Variants in EFCAB11 observed in about 807,000 individuals in gnomAD.
EFCAB11 encodes the protein EF-hand calcium-binding domain-containing protein 11.
Under a neutral mutation model 23.0 loss-of-function variants are expected in EFCAB11, and 14 were observed. The observed-to-expected ratio is 0.61, with a 90% CI of 0.40 to 0.95. The LOEUF (loss-of-function observed/expected upper bound fraction) is 0.95, where lower values mean the gene tolerates loss of function less well. EFCAB11 is among the 40% of genes least tolerant of loss of function. The pLI is 0.00. For synonymous variants in EFCAB11, 65 were observed against 66.6 expected (o/e 0.98, Z 0.11); for missense variants, 198 against 195.8 (o/e 1.01, Z -0.07).
chr14:89,836,292 A>G, intron 5 of EFCAB11: 1 of 245,608 alleles, frequency 4.1e-6, no homozygotes. Context: ...GAGTCCTTCC[A>G]TGGAGCAAGG....
intron 3 of EFCAB11, among the ~76,000 whole-genome samples, chr14:89,941,265 T>G (rs1231202338): frequency 6.6e-6 from 1 of 152,186 alleles, no homozygotes; most frequent in Non-Finnish European, 1.5e-5. Flanking sequence ...AGAACCAAAT[T>G]TGAAATTAAT....
At chr14:89,883,198 A>T (rs1419257199) in intron 5 of EFCAB11, among the ~76,000 whole-genome samples, 1 of 152,240 alleles carries the variant, frequency 6.6e-6, no homozygotes, top group Non-Finnish European at 1.5e-5. Flanking sequence ...AAAGCAACAC[A>T]AATGGACTAA....
chr14:89,914,816 T>C (rs1889785266), intron 5 of EFCAB11, among the ~76,000 whole-genome samples: 1 of 151,770 alleles, frequency 6.6e-6, no homozygotes, highest in Non-Finnish European at 1.5e-5. Flanking sequence ...GAGAGACAGT[T>C]ATGAAATATG....
At chr14:89,904,345 T>C (rs570462918) in intron 5 of EFCAB11, among the ~76,000 whole-genome samples, 2 of 152,338 alleles carry the variant, frequency 1.3e-5, no homozygotes, top group South Asian at 4.1e-4. Context: ...ATGGTGTATA[T>C]GTGCCATATT....
At chr14:89,911,578 T>C (rs1238108448) in intron 5 of EFCAB11, among the ~76,000 whole-genome samples, 1 of 152,222 alleles carries the variant, frequency 6.6e-6, no homozygotes, top group African/African-American at 2.4e-5. Context: ...CTCTTCTCAA[T>C]TTGCAGATAA....
intron 5 of EFCAB11, among the ~76,000 whole-genome samples, chr14:89,817,153 T>C (rs919943175): frequency 5.9e-5 from 9 of 152,032 alleles, no homozygotes; most frequent in African/African-American, 2.2e-4. Context: ...AATTCTGAAG[T>C]TCATATCAGA....
chr14:89,901,859 T>C (rs920096022), intron 5 of EFCAB11, among the ~76,000 whole-genome samples: 2 of 152,154 alleles, frequency 1.3e-5, no homozygotes, highest in Non-Finnish European at 2.9e-5. Flanking sequence ...TTATACATGA[T>C]ATTCAAAGAC....
intron 5 of EFCAB11, among the ~76,000 whole-genome samples, chr14:89,871,874 T>A (rs887533091): frequency 6.6e-6 from 1 of 152,128 alleles, no homozygotes; most frequent in African/African-American, 2.4e-5. Context: ...TCAGAAAAGG[T>A]GGGGAAGAGC....
chr14:89,795,001 G>T lies in EFCAB11; in HGVS notation c.*2242C>A, dbSNP rs542877106. 7.7e-6 allele frequency: 1 copy of T among 129,376 alleles called. No individual in the cohort carries two copies. The highest frequency in any genetic ancestry group is 3.0e-5 in the African/African-American group (1 of 33,764). 8.0% of individuals were successfully genotyped at this position (129,376 alleles called of 1,614,324 possible). ...TTTTTTTTTTTTTTTTTTTTGAGAG[G>T]GAGTCTCGCTCTGTTGCCCAGACTG... On this transcript the variant is annotated 3_prime_UTR_variant, in exon 6 of 6. Transcript: ENST00000316738.
intron 5 of EFCAB11, among the ~76,000 whole-genome samples, chr14:89,888,683 A>G (rs1220932301): frequency 1.3e-5 from 2 of 152,172 alleles, no homozygotes; most frequent in Non-Finnish European, 2.9e-5. Context: ...CAAATGTCCA[A>G]ACTATATCAA....
rs4303416 is a variant in EFCAB11 at position 89,855,173 on chromosome 14, T to C, written c.411-57849A>G. On this transcript the variant is annotated intron_variant, in intron 5 of 5. Transcript: ENST00000316738. Reference sequence around the variant, plus strand: ...TGTAGCCTGAATAGGACAGCTTCTTTTTTTTTTTTTTAATAAATGTTAGGC... The same window carrying C: ...TGTAGCCTGAATAGGACAGCTTCTTCTTTTTTTTTTTAATAAATGTTAGGC... Among the ~76,000 whole-genome samples, 49 of 151,752 alleles carry C rather than the reference T, an allele frequency of 3.2e-4. No individual in the cohort carries two copies. The South Asian group carries it at 7.9e-3, about 24-fold the overall frequency.
At chr14:89,818,762 G>A (rs1444830740) in intron 5 of EFCAB11, among the ~76,000 whole-genome samples, 2 of 152,092 alleles carry the variant, frequency 1.3e-5, no homozygotes, top group South Asian at 2.1e-4. Context: ...TGGAAAATAC[G>A]CACATGAAAA....
intron 5 of EFCAB11, among the ~76,000 whole-genome samples, chr14:89,826,336 G>T (rs1337026900): frequency 6.6e-6 from 1 of 152,124 alleles, no homozygotes; most frequent in African/African-American, 2.4e-5. Context: ...AGTCATACAT[G>T]CCAAGGGAAA....
intron 5 of EFCAB11, among the ~76,000 whole-genome samples, chr14:89,855,273 C>CA (rs1887717374): frequency 2.6e-5 from 4 of 151,756 alleles, no homozygotes; most frequent in Non-Finnish European, 5.9e-5. Flanking sequence ...CCCAGAACTT[C>CA]AAGACCAGCC....
rs1295741383 is a variant in EFCAB11 at position 89,796,741 on chromosome 14, A to G, written c.*502T>C. ...AAGGAAACTGGCACCATTGGCAGGA[A>G]AAGTCTGCCCCTCTGCAGATATTAG... On this transcript the variant is annotated 3_prime_UTR_variant, in exon 6 of 6. Coordinates refer to ENST00000316738, the MANE Select transcript of EFCAB11 (RefSeq NM_145231.4). The G allele has an allele frequency of 6.5e-6, 1 of 152,698 alleles. No homozygotes were observed. Among genetic ancestry groups the G allele is most frequent in the Non-Finnish European group, 1.5e-5 (1 of 68,364 alleles). 9.5% of individuals were successfully genotyped at this position (152,698 alleles called of 1,614,324 possible).
chr14:89,863,934 G>C (rs1596408967), intron 5 of EFCAB11, among the ~76,000 whole-genome samples: 1 of 152,274 alleles, frequency 6.6e-6, no homozygotes, highest in South Asian at 2.1e-4. Flanking sequence ...TTTAAACTTA[G>C]ATAAGATAGC....
rs553129491 is a variant in EFCAB11, at chr14:89,818,318, A to G, written c.411-20994T>C. 2.0e-5 allele frequency among the ~76,000 whole-genome samples: 3 copies of G among 152,276 alleles called. No individual in the cohort carries two copies. In the East Asian group the frequency reaches 5.8e-4, roughly 29 times the overall value. On this transcript the variant is annotated intron_variant, in intron 5 of 5. Transcript: ENST00000316738. ...TAGCAAGTAAAGACAAGTGAGAAAG[A>G]CCAGAGTTGGCAAGCCTCCAGGGAA...
At chr14:89,829,513 A>G (rs901890588) in intron 5 of EFCAB11, among the ~76,000 whole-genome samples, 1 of 152,234 alleles carries the variant, frequency 6.6e-6, no homozygotes, top group Non-Finnish European at 1.5e-5. Context: ...TCTGCAAAAT[A>G]AGAAGACAAT....
intron 5 of EFCAB11, among the ~76,000 whole-genome samples, chr14:89,842,491 C>T (rs1887298080): frequency 6.6e-6 from 1 of 152,316 alleles, no homozygotes; most frequent in Non-Finnish European, 1.5e-5. Context: ...GGAAGAATCA[C>T]TTGAACCCAG....
Sources: allele counts gnomAD v4.1 joint callset (sites outside exome capture counted in the v4.1 genomes callset), GRCh38; gene constraint gnomAD v4.1.1; transcripts MANE v1.5; gene names NCBI Gene and HGNC (gene_info 2026-07-23, HGNC 2026-07-21).